Variants in FSTL5 observed in about 807,000 individuals in gnomAD.
The protein encoded by FSTL5 is follistatin-related protein 5.
In FSTL5, 62 loss-of-function variants were observed where a neutral mutation model predicts 89.1. That is an observed-to-expected ratio of 0.70 (90% confidence interval 0.57 to 0.86). The LOEUF (loss-of-function observed/expected upper bound fraction) is 0.86, where lower values mean the gene tolerates loss of function less well. Among genes scored for constraint, FSTL5 ranks in the 40% least tolerant of loss-of-function variants. The pLI is 0.00. For missense variants in FSTL5, 1,057 were observed against 1,001.6 expected (o/e 1.06, Z -0.75); for synonymous variants, 383 against 346.2 (o/e 1.11, Z -1.18).
chr4:161,460,548 G>A (rs1322355163), intron 13 of FSTL5, among the ~76,000 whole-genome samples: 1 of 152,088 alleles, frequency 6.6e-6, no homozygotes, highest in East Asian at 1.9e-4. Context: ...GTTCTTCTCA[G>A]CACATTAGTA....
At position 161,879,363 on chromosome 4, in the gene FSTL5, T is replaced by C. The variant is rs578216343; in HGVS notation, c.409+41041A>G. On this transcript the variant is annotated intron_variant, in intron 4 of 15. Transcript: ENST00000306100. ...TCACTCATTTTCCTCAATCTGCAAA[T>C]TATTCATGACACAGGAGCCAAACAA... Among the ~76,000 whole-genome samples the C allele has an allele frequency of 2.0e-5, 3 of 152,312 alleles. No individual in the cohort carries two copies. In the East Asian group the frequency reaches 5.8e-4, roughly 29 times the overall value.
chr4:162,122,652 G>C (rs555942629), intron 1 of FSTL5, among the ~76,000 whole-genome samples: 71 of 151,876 alleles, frequency 4.7e-4, no homozygotes, highest in Non-Finnish European at 6.5e-4. Flanking sequence ...AGTAATATAA[G>C]CTGAAAGTTA....
chr4:161,399,335 T>C (rs753453579), intron 15 of FSTL5, among the ~76,000 whole-genome samples: 15 of 152,124 alleles, frequency 9.9e-5, no homozygotes, highest in Non-Finnish European at 1.6e-4. Flanking sequence ...AACACATATT[T>C]TGTATGTTAT....
intron 4 of FSTL5, among the ~76,000 whole-genome samples, chr4:161,889,245 GAAGATCCTATTTTATTATA>G (rs1732910173): frequency 6.6e-6 from 1 of 152,154 alleles, no homozygotes; most frequent in Admixed American, 6.6e-5. Context: ...TTTAATGATA[GAAGATCCTATTTTATTATA>G]ATACTATGGA....
chr4:161,751,789 A>AG (rs1241129073), intron 6 of FSTL5, among the ~76,000 whole-genome samples: 1 of 117,688 alleles, frequency 8.5e-6, no homozygotes, highest in Non-Finnish European at 1.6e-5. Context: ...TCAAAAAAAA[A>AG]GAAAAAAAAA....
At chr4:161,860,558 C>T (rs1239774483) in intron 4 of FSTL5, among the ~76,000 whole-genome samples, 1 of 152,182 alleles carries the variant, frequency 6.6e-6, no homozygotes, top group East Asian at 1.9e-4. Context: ...TAGCAGGAAT[C>T]TATGTACACG....
chr4:161,658,134 C>T (rs1736583016), intron 6 of FSTL5, among the ~76,000 whole-genome samples: 1 of 152,102 alleles, frequency 6.6e-6, no homozygotes, highest in African/African-American at 2.4e-5. Flanking sequence ...TCAGATTTAT[C>T]CATATTCCCA....
At chr4:161,618,013 T>C (rs891643126) in intron 7 of FSTL5, among the ~76,000 whole-genome samples, 2 of 152,184 alleles carry the variant, frequency 1.3e-5, no homozygotes, top group African/African-American at 4.8e-5. Context: ...GAGTGGTTTG[T>C]AGTTCTCCTT....
chr4:161,565,742 G>GACACACACACACACACACACAC (rs145835055), intron 8 of FSTL5, among the ~76,000 whole-genome samples: 2 of 133,572 alleles, frequency 1.5e-5, no homozygotes, highest in Non-Finnish European at 3.2e-5. Flanking sequence ...TATAACTTGA[G>GACACACACACACACACACACAC]ACACACACAC....
intron 3 of FSTL5, among the ~76,000 whole-genome samples, chr4:162,013,919 T>C (rs1736842114): frequency 6.6e-6 from 1 of 152,090 alleles, no homozygotes; most frequent in Admixed American, 6.6e-5. Flanking sequence ...ATAAAGGTGC[T>C]AAACATCCTG....
intron 4 of FSTL5, among the ~76,000 whole-genome samples, chr4:161,850,544 A>C (rs1160634310): frequency 1.3e-5 from 2 of 152,058 alleles, no homozygotes; most frequent in African/African-American, 4.8e-5. Context: ...TATTCTTCCC[A>C]GTGGAGAAGA....
chr4:161,807,905 T>C (rs1439311882), intron 4 of FSTL5, among the ~76,000 whole-genome samples: 1 of 152,128 alleles, frequency 6.6e-6, no homozygotes, highest in African/African-American at 2.4e-5. Flanking sequence ...TAAACTATCC[T>C]GGGAATGATA....
At chr4:161,596,958 A>C (rs1455877102) in intron 7 of FSTL5, among the ~76,000 whole-genome samples, 2 of 151,946 alleles carry the variant, frequency 1.3e-5, no homozygotes, top group African/African-American at 4.8e-5. Context: ...AGATTGCAAA[A>C]ATTTTCTCCC....
intron 4 of FSTL5, among the ~76,000 whole-genome samples, chr4:161,833,428 G>A (rs1579125948): frequency 7.9e-6 from 1 of 125,898 alleles, no homozygotes; most frequent in Admixed American, 8.5e-5. Context: ...TCAATTCCTG[G>A]GTATCCTTGT....
intron 3 of FSTL5, among the ~76,000 whole-genome samples, chr4:162,015,008 G>T (rs1479270392): frequency 6.6e-6 from 1 of 152,280 alleles, no homozygotes; most frequent in East Asian, 1.9e-4. Context: ...CAGATCAATT[G>T]CCCTCACTAT....
At chr4:161,952,062 T>A (rs1222765409) in intron 3 of FSTL5, among the ~76,000 whole-genome samples, 1 of 152,004 alleles carries the variant, frequency 6.6e-6, no homozygotes, top group Non-Finnish European at 1.5e-5. Context: ...TGATTAAAAA[T>A]AATCTCTGAA....
intron 1 of FSTL5, among the ~76,000 whole-genome samples, chr4:162,132,672 C>A (rs1205938303): frequency 6.6e-6 from 1 of 152,144 alleles, no homozygotes; most frequent in East Asian, 1.9e-4. Context: ...ACTATCTTTG[C>A]TTCTTGAAAT....
chr4:161,975,814 A>T (rs1344743158), intron 3 of FSTL5, among the ~76,000 whole-genome samples: 16 of 150,112 alleles, frequency 1.1e-4, no homozygotes, highest in South Asian at 4.2e-4. Flanking sequence ...AATAAATAAA[A>T]AAAAGATTAT....
At chr4:161,516,310 CCTT>C (rs1202295184) in intron 10 of FSTL5, among the ~76,000 whole-genome samples, 3 of 148,726 alleles carry the variant, frequency 2.0e-5, no homozygotes, top group Non-Finnish European at 4.5e-5. Context: ...ATTAATTTAT[CCTT>C]CAGACAATAT....
Sources: gnomAD v4.1 joint callset for allele counts (sites outside exome capture counted in the v4.1 genomes callset) on GRCh38, gnomAD v4.1.1 for gene constraint, MANE v1.5 for transcripts, NCBI Gene and HGNC (gene_info 2026-07-23, HGNC 2026-07-21) for gene names.